KCNH5: variants seen among roughly 807,000 people sequenced by gnomAD.
KCNH5 encodes voltage-gated delayed rectifier potassium channel KCNH5.
Under a neutral mutation model 96.1 loss-of-function variants are expected in KCNH5, and 46 were observed. The ratio of observed to expected loss-of-function variants is 0.48; its 90% CI spans 0.38 to 0.61. The LOEUF is 0.61. Ranked by LOEUF, KCNH5 falls within the 20% of genes least tolerant of loss-of-function variation. The probability of loss-of-function intolerance (pLI) is 0.00; values close to 1 mark genes in which losing one functional copy is unlikely to be tolerated. For missense variants in KCNH5, 907 were observed against 1,225.8 expected (o/e 0.74, Z 3.88); for synonymous variants, 439 against 449.8 (o/e 0.98, Z 0.30).
At chr14:62,719,069 A>C (rs2139911243) in intron 10 of KCNH5, among the ~76,000 whole-genome samples, 1 of 152,334 alleles carries the variant, frequency 6.6e-6, no homozygotes, top group East Asian at 1.9e-4. Context: ...AAGTGGAATG[A>C]CCACAAATGT....
chr14:62,795,582 C>T (rs1408529142), intron 9 of KCNH5, among the ~76,000 whole-genome samples: 1 of 152,148 alleles, frequency 6.6e-6, no homozygotes, highest in Non-Finnish European at 1.5e-5. Context: ...TCAGCATCCT[C>T]AGAGTAGGGT....
In KCNH5 at chr14:63,045,113, C is replaced by CA. The variant is rs747816654; in HGVS notation, c.73_73+1insT (p.Glu25ValfsTer19). On this transcript the variant is annotated frameshift_variant and splice_region_variant. Coordinates refer to ENST00000322893, the MANE Select transcript of KCNH5 (RefSeq NM_139318.5). LOFTEE classifies it high-confidence loss of function. ...GTGTTCTGAACTACAACTCTCCTTA[C>CA]CACTGGAGCGCCTGACGATGTTCTC... 6 of 1,613,090 alleles carry CA rather than the reference C, an allele frequency of 3.7e-6. No individual in the cohort carries two copies. The highest frequency in any genetic ancestry group is 5.1e-6 in the Non-Finnish European group (6 of 1,179,278).
At chr14:62,727,784 A>C (rs1399325464) in intron 10 of KCNH5, among the ~76,000 whole-genome samples, 1 of 151,564 alleles carries the variant, frequency 6.6e-6, no homozygotes, top group African/African-American at 2.4e-5. Flanking sequence ...GTAAAAAAAA[A>C]AAAAAAAAGC....
intron 10 of KCNH5, among the ~76,000 whole-genome samples, chr14:62,734,962 ACAGTGC>A (rs1885126645): frequency 6.6e-6 from 1 of 152,182 alleles, no homozygotes; most frequent in Admixed American, 6.5e-5. Flanking sequence ...ATATTATAGG[ACAGTGC>A]CAGTAAAGTC....
intron 10 of KCNH5, among the ~76,000 whole-genome samples, chr14:62,768,235 GA>G (rs1885907403): frequency 6.6e-6 from 1 of 151,914 alleles, no homozygotes; most frequent in Non-Finnish European, 1.5e-5. Context: ...TAAAAACAAA[GA>G]AAAAGTAAAA....
intron 10 of KCNH5, among the ~76,000 whole-genome samples, chr14:62,767,245 T>G (rs1885880660): frequency 6.6e-6 from 1 of 152,190 alleles, no homozygotes; most frequent in Middle Eastern, 3.2e-3. Flanking sequence ...TTAGTTCACC[T>G]ACTGTGGAAA....
chr14:62,991,308 G>A (rs1047084915), intron 4 of KCNH5, among the ~76,000 whole-genome samples: 1 of 151,974 alleles, frequency 6.6e-6, no homozygotes, highest in African/African-American at 2.4e-5. Context: ...GGTTGAAGAA[G>A]GTAGGAAAGG....
chr14:62,971,035 T>C (rs929542088), intron 6 of KCNH5, among the ~76,000 whole-genome samples: 6 of 152,056 alleles, frequency 3.9e-5, no homozygotes, highest in Non-Finnish European at 8.8e-5. Flanking sequence ...AGAAAAGGTA[T>C]ACTTACTGGG....
chr14:62,860,852 A>T (rs1036923397), intron 7 of KCNH5, among the ~76,000 whole-genome samples: 1 of 152,200 alleles, frequency 6.6e-6, no homozygotes, highest in African/African-American at 2.4e-5. Flanking sequence ...AGTGAGTGCA[A>T]TGCTATCTAT....
chr14:62,757,102 G>A (rs1373941826), intron 10 of KCNH5, among the ~76,000 whole-genome samples: 1 of 152,070 alleles, frequency 6.6e-6, no homozygotes. Flanking sequence ...ATAGGAAAAA[G>A]TCTAATAATT....
chr14:63,016,743 T>C, intron 2 of KCNH5, 88 bp downstream of exon 2: 1 of 1,301,054 alleles, frequency 7.7e-7, no homozygotes, highest in East Asian at 2.3e-5. Flanking sequence ...GGTTTGTATA[T>C]GGGAGTCCAA....
At chr14:63,019,554 T>A (rs1891387946) in intron 1 of KCNH5, among the ~76,000 whole-genome samples, 1 of 152,026 alleles carries the variant, frequency 6.6e-6, no homozygotes, top group African/African-American at 2.4e-5. Context: ...CGTCAACAGC[T>A]TTTTTGCAAA....
intron 4 of KCNH5, among the ~76,000 whole-genome samples, chr14:62,992,086 T>C (rs1183951076): frequency 6.6e-6 from 1 of 152,058 alleles, no homozygotes; most frequent in Non-Finnish European, 1.5e-5. Flanking sequence ...GATATTTGTC[T>C]TTCTGTGTCT....
intron 7 of KCNH5, among the ~76,000 whole-genome samples, chr14:62,906,273 T>C (rs558638199): frequency 5.3e-5 from 8 of 152,230 alleles, no homozygotes; most frequent in Admixed American, 3.3e-4. Flanking sequence ...GTCACAAATA[T>C]AGTATGTCTG....
chr14:62,978,277 T>C (rs1890538691), intron 6 of KCNH5, among the ~76,000 whole-genome samples: 1 of 152,170 alleles, frequency 6.6e-6, no homozygotes, highest in South Asian at 2.1e-4. Flanking sequence ...ATGGTAACAA[T>C]AGGCTTTCTA....
intron 2 of KCNH5, among the ~76,000 whole-genome samples, chr14:63,009,667 A>C (rs1891189818): frequency 6.6e-6 from 1 of 152,188 alleles, no homozygotes; most frequent in Non-Finnish European, 1.5e-5. Context: ...AGTGTTCTGG[A>C]GGTTAATTCA....
At chr14:62,917,622 T>C (rs1217077475) in intron 7 of KCNH5, among the ~76,000 whole-genome samples, 2 of 152,198 alleles carry the variant, frequency 1.3e-5, no homozygotes, top group East Asian at 3.9e-4. Context: ...TTATTAGAAA[T>C]GAGATGAGAG....
At chr14:62,805,075 G>A (rs1595630464) in intron 8 of KCNH5, among the ~76,000 whole-genome samples, 1 of 152,024 alleles carries the variant, frequency 6.6e-6, no homozygotes, top group Non-Finnish European at 1.5e-5. Context: ...CTAGAAGAAC[G>A]AAAAAATTTA....
At chr14:62,811,949 A>C (rs548036984) in intron 8 of KCNH5, among the ~76,000 whole-genome samples, 1 of 152,250 alleles carries the variant, frequency 6.6e-6, no homozygotes, top group South Asian at 2.1e-4. Flanking sequence ...GCTCCCCTGA[A>C]GCATCCAATT....
Sources: allele counts gnomAD v4.1 joint callset (sites outside exome capture counted in the v4.1 genomes callset), GRCh38; gene constraint gnomAD v4.1.1; transcripts MANE v1.5; gene names NCBI Gene and HGNC (gene_info 2026-07-23, HGNC 2026-07-21).